Variants in RBFOX1 observed in about 807,000 individuals in gnomAD.
RBFOX1 encodes the protein RNA binding fox-1 homolog 1.
In RBFOX1, 8 loss-of-function variants were observed where a neutral mutation model predicts 57.7. That is an observed-to-expected ratio of 0.14 (90% CI 0.08 to 0.25). The LOEUF (loss-of-function observed/expected upper bound fraction) is 0.25, where lower values mean the gene tolerates loss of function less well. Among genes scored for constraint, RBFOX1 ranks in the 10% least tolerant of loss-of-function variants. The pLI is 1.00. For synonymous variants in RBFOX1, 326 were observed against 222.4 expected (o/e 1.47, Z -4.15); for missense variants, 611 against 548.5 (o/e 1.11, Z -1.14).
At chr16:7,536,401 C>G (rs756029283) in intron 5 of RBFOX1, among the ~76,000 whole-genome samples, 7 of 152,110 alleles carry the variant, frequency 4.6e-5, no homozygotes, top group African/African-American at 1.2e-4. Flanking sequence ...CAAGACCAGC[C>G]TGGCCAAAAT....
chr16:5,469,129 C>T (rs1240525953), intron 2 of RBFOX1, among the ~76,000 whole-genome samples: 1 of 152,192 alleles, frequency 6.6e-6, no homozygotes, highest in Admixed American at 6.5e-5. Flanking sequence ...GTTGCCTCCT[C>T]TTCTGCTGCT....
intron 1 of RBFOX1, among the ~76,000 whole-genome samples, chr16:5,354,574 G>T (rs903845876): frequency 5.3e-5 from 8 of 152,326 alleles, no homozygotes; most frequent in African/African-American, 1.9e-4. Flanking sequence ...CTGGCTATTA[G>T]GATTTTTCTC....
chr16:6,520,027 T>A (rs559152798), intron 2 of RBFOX1, among the ~76,000 whole-genome samples: 2 of 152,152 alleles, frequency 1.3e-5, no homozygotes, highest in Non-Finnish European at 2.9e-5. Flanking sequence ...CATTGAGAAC[T>A]CATGGGCATG....
At chr16:6,705,255 G>C (rs1347024889) in intron 3 of RBFOX1, 1 of 152,182 alleles carries the variant, frequency 6.6e-6, no homozygotes, top group Non-Finnish European at 1.5e-5. Context: ...ACTCCAGTGA[G>C]GTTACTCAAA....
intron 1 of RBFOX1, among the ~76,000 whole-genome samples, chr16:6,229,766 C>G (rs969720556): frequency 2.0e-5 from 3 of 150,456 alleles, no homozygotes; most frequent in Non-Finnish European, 1.5e-5. Flanking sequence ...GGAAAACATC[C>G]TTTCCACTGT....
chr16:5,770,575 T>A (rs992525558), intron 3 of RBFOX1, among the ~76,000 whole-genome samples: 1 of 152,150 alleles, frequency 6.6e-6, no homozygotes, highest in Non-Finnish European at 1.5e-5. Flanking sequence ...GCCCTGCTAT[T>A]TCTGTGGAGC....
chr16:6,296,707 A>G (rs973227602), intron 1 of RBFOX1, among the ~76,000 whole-genome samples: 4 of 152,186 alleles, frequency 2.6e-5, no homozygotes, highest in Non-Finnish European at 5.9e-5. Context: ...GACGTGAGCC[A>G]CCGTACCCAG....
intron 2 of RBFOX1, among the ~76,000 whole-genome samples, chr16:6,497,108 A>T (rs2095793056): frequency 6.6e-6 from 1 of 152,214 alleles, no homozygotes; most frequent in South Asian, 2.1e-4. Context: ...ATGAGGGAGC[A>T]ATTTTAGAGA....
chr16:7,041,841 G>C (rs556359729), intron 3 of RBFOX1, among the ~76,000 whole-genome samples: 4 of 152,288 alleles, frequency 2.6e-5, no homozygotes, highest in African/African-American at 9.6e-5. Flanking sequence ...ATTTTTAAAT[G>C]TGTTAAGTGC....
At position 6,268,316 on chromosome 16, in the gene RBFOX1, C is replaced by T. The variant is rs17139731; in HGVS notation, c.-126-48679C>T. 7.1e-3 allele frequency among the ~76,000 whole-genome samples: 1,087 copies of T among 152,280 alleles called. 6 individuals are homozygous for T. Among genetic ancestry groups the T allele is most frequent in the East Asian group, 0.04 (208 of 5,182 alleles). Reference sequence around the variant, plus strand: ...AGCAGGTCGAATGGAGGAGAACTCCCGTGATGACCTCTGCTCCCATCACCC... The same window carrying T: ...AGCAGGTCGAATGGAGGAGAACTCCTGTGATGACCTCTGCTCCCATCACCC... On this transcript the variant is annotated intron_variant, in intron 1 of 15. Transcript: ENST00000550418.
intron 3 of RBFOX1, among the ~76,000 whole-genome samples, chr16:5,666,191 G>C (rs774872175): frequency 6.6e-6 from 1 of 152,244 alleles, no homozygotes; most frequent in Non-Finnish European, 1.5e-5. Context: ...CAGCTGGGAA[G>C]GAAAGGGAGG....
chr16:6,178,287 A>C (rs1269815367), intron 1 of RBFOX1, among the ~76,000 whole-genome samples: 1 of 145,734 alleles, frequency 6.9e-6, no homozygotes. Flanking sequence ...CCCAGGTTCA[A>C]GTGATTCTCC....
intron 4 of RBFOX1, among the ~76,000 whole-genome samples, chr16:7,100,196 TTGTG>T (rs903419728): frequency 1.7e-4 from 26 of 152,076 alleles, no homozygotes; most frequent in African/African-American, 6.0e-4. Flanking sequence ...ATTTCGAAAT[TTGTG>T]TGTTAAAGGA....
chr16:5,283,669 G>T (rs1480959669), intron 1 of RBFOX1, among the ~76,000 whole-genome samples: 2 of 152,156 alleles, frequency 1.3e-5, no homozygotes, highest in Non-Finnish European at 2.9e-5. Context: ...GGGGCCTGTA[G>T]CCCCTTTGTT....
chr16:6,747,927 A>C (rs1603507758), intron 3 of RBFOX1, among the ~76,000 whole-genome samples: 1 of 152,178 alleles, frequency 6.6e-6, no homozygotes, highest in Non-Finnish European at 1.5e-5. Flanking sequence ...CACGCTATCA[A>C]CTTCAGCATC....
chr16:7,452,681 T>C (rs2057603715), intron 4 of RBFOX1, among the ~76,000 whole-genome samples: 2 of 152,210 alleles, frequency 1.3e-5, no homozygotes, highest in African/African-American at 2.4e-5. Flanking sequence ...ACTTCATGAA[T>C]TTTAGGCTAC....
intron 3 of RBFOX1, among the ~76,000 whole-genome samples, chr16:6,992,459 CTG>C (rs1317590468): frequency 7.2e-5 from 11 of 152,136 alleles, no homozygotes; most frequent in African/African-American, 2.7e-4. Context: ...CTCACGTGAT[CTG>C]CCTTGGCCTC....
chr16:5,389,329 G>A (rs1048325438), intron 1 of RBFOX1, among the ~76,000 whole-genome samples: 1 of 152,068 alleles, frequency 6.6e-6, no homozygotes, highest in Admixed American at 6.5e-5. Flanking sequence ...CAGGCTTTTC[G>A]ACCTTGGCTC....
Position 7,443,997 on chromosome 16 carries a change from G to A in RBFOX1, c.28-74150G>A, listed in dbSNP as rs944205176. ...TATCTTCAAGAGAAACTTCCACTTT[G>A]CCTATGAAGAAATAGTTAGAATTGT... On this transcript the variant is annotated intron_variant, in intron 4 of 15. Transcript: ENST00000550418. 2.0e-5 allele frequency among the ~76,000 whole-genome samples: 3 copies of A among 152,132 alleles called. No individual in the cohort carries two copies. In the East Asian group the frequency reaches 5.8e-4, roughly 29 times the overall value.
Sources: gnomAD v4.1 joint callset for allele counts (sites outside exome capture counted in the v4.1 genomes callset) on GRCh38, gnomAD v4.1.1 for gene constraint, MANE v1.5 for transcripts, NCBI Gene and HGNC (gene_info 2026-07-23, HGNC 2026-07-21) for gene names.